TOP1MT: variants seen among roughly 807,000 people sequenced by gnomAD.
TOP1MT encodes the protein DNA topoisomerase I, mitochondrial.
In TOP1MT, 80 loss-of-function variants were observed where a neutral mutation model predicts 73.9. The ratio of observed to expected loss-of-function variants is 1.08; its 90% CI spans 0.90 to 1.30. The LOEUF is 1.30. Among genes scored for constraint, TOP1MT ranks in the 50% most tolerant of loss-of-function variants. TOP1MT has a pLI of 0.00. For missense variants in TOP1MT, 815 were observed against 808.0 expected (o/e 1.01, Z -0.10); for synonymous variants, 338 against 326.4 (o/e 1.04, Z -0.38).
At chr8:143,322,833 C>CAG (rs1205387927) in intron 7 of TOP1MT, among the ~76,000 whole-genome samples, 1 of 51,958 alleles carries the variant, frequency 1.9e-5, no homozygotes, top group East Asian at 1.2e-3. Flanking sequence ...ACGCCACACA[C>CAG]GCACACCACA....
intron 7 of TOP1MT, among the ~76,000 whole-genome samples, chr8:143,322,487 ACACG>A (rs1432322316): frequency 8.0e-6 from 1 of 125,140 alleles, no homozygotes; most frequent in Non-Finnish European, 1.6e-5. Flanking sequence ...CAGGCACGCC[ACACG>A]CACGCCACAC....
At chr8:143,316,871 C>T (rs1816178851) in intron 10 of TOP1MT, among the ~76,000 whole-genome samples, 1 of 152,218 alleles carries the variant, frequency 6.6e-6, no homozygotes, top group African/African-American at 2.4e-5. Flanking sequence ...GCCTCGGCCC[C>T]TATGCCCTCA....
intron 2 of TOP1MT, 71 bp from the exon 3 acceptor site, chr8:143,329,542 T>C (rs1395012393): frequency 1.3e-6 from 2 of 1,561,528 alleles, no homozygotes; most frequent in Non-Finnish European, 1.7e-6. Flanking sequence ...CATGACCTCA[T>C]TGCTTTAAAC....
chr8:143,342,088 TTA>T (rs1491276131), intron 2 of TOP1MT, among the ~76,000 whole-genome samples: 1 of 123,808 alleles, frequency 8.1e-6, no homozygotes, highest in Non-Finnish European at 1.6e-5. Context: ...ATTATTATTA[TTA>T]GAGTCTCGCT....
intron 7 of TOP1MT, among the ~76,000 whole-genome samples, chr8:143,322,089 T>A (rs62644305): frequency 6.6e-5 from 3 of 45,478 alleles, no homozygotes; most frequent in African/African-American, 8.8e-5. Flanking sequence ...CACACAGGCA[T>A]GCCAAACACG....
rs1816792706 is a variant in TOP1MT at position 143,329,434 on chromosome 8, G to A, written c.276C>T (p.Val92=). 8.1e-6 allele frequency: 13 copies of A among 1,610,658 alleles called. 1 individual carries two copies. The highest frequency in any genetic ancestry group is 1.1e-5 in the South Asian group (1 of 90,606). The change falls in exon 3 of 14, where the codon GTC becomes GTT. Residue 92 remains valine, a synonymous_variant. Coordinates refer to ENST00000329245, the MANE Select transcript of TOP1MT (RefSeq NM_052963.3). Reference sequence around the variant, plus strand: ...CTAACATCCTCCCATAAAAAGTGGCGACCTCCTCCGCTGCCACGCTCAATC... The same window carrying A: ...CTAACATCCTCCCATAAAAAGTGGCAACCTCCTCCGCTGCCACGCTCAATC... ...PVRLSVAAEE[V]ATFYGRMLDH...
chr8:143,318,012 G>A lies in TOP1MT; in HGVS notation c.1215+6C>T, dbSNP rs780083227. 7 of 1,614,158 alleles carry A rather than the reference G, an allele frequency of 4.3e-6. No individual in the cohort carries two copies. Among genetic ancestry groups the A allele is most frequent in the Non-Finnish European group, 5.9e-6 (7 of 1,179,992 alleles). On this transcript the variant is annotated splice_donor_region_variant and intron_variant, in intron 9 of 13. Coordinates refer to ENST00000329245, the MANE Select transcript of TOP1MT (RefSeq NM_052963.3). The stretch of plus-strand genomic sequence containing the variant: ...CCCACTGCTGAGGAAACACGAGCCG[G>A]CTTACGGTCAGCCTGTCGAAGAGGT...
At position 143,334,790 on chromosome 8, in the gene TOP1MT, G is replaced by A; in HGVS notation, c.72C>T (p.Ala24=). ...TLLGEVPRRP[A]SRGVPGSRRT... is the part of the protein sequence containing the mutation. ...TGCGCGAGCCCGGGACACCCCGGGAGGCCGGGCGGCGGGGGACCTCCCCGA... is the reference window on the plus strand; with the variant it reads ...TGCGCGAGCCCGGGACACCCCGGGAAGCCGGGCGGCGGGGGACCTCCCCGA... Residue 24 remains alanine, a synonymous_variant, in exon 1 of 14, where the codon GCC becomes GCT. Coordinates refer to ENST00000329245, the MANE Select transcript of TOP1MT (RefSeq NM_052963.3). 1.3e-6 allele frequency: 2 copies of A among 1,586,806 alleles called. No individual in the cohort carries two copies. The highest frequency in any genetic ancestry group is 1.4e-5 in the African/African-American group (1 of 70,882).
intron 2 of TOP1MT, among the ~76,000 whole-genome samples, chr8:143,330,105 T>C (rs1231377483): frequency 1.3e-5 from 2 of 152,232 alleles, no homozygotes; most frequent in South Asian, 2.1e-4. Context: ...GCATTTCTGA[T>C]AAACAGCAGC....
intron 12 of TOP1MT, 101 bp from the exon 13 acceptor site, chr8:143,310,318 C>T: frequency 2.3e-6 from 2 of 862,466 alleles, no homozygotes; most frequent in East Asian, 5.7e-5. Context: ...CCAGTGCAGC[C>T]CTGTCCCTGT....
chr8:143,329,996 G>C (rs1304884044), intron 2 of TOP1MT, among the ~76,000 whole-genome samples: 1 of 152,156 alleles, frequency 6.6e-6, no homozygotes, highest in East Asian at 1.9e-4. Flanking sequence ...GTGGGAACGA[G>C]GGTGTTCACC....
At chr8:143,331,976 A>G (rs1322447290) in intron 1 of TOP1MT, among the ~76,000 whole-genome samples, 1 of 150,712 alleles carries the variant, frequency 6.6e-6, no homozygotes, top group African/African-American at 2.4e-5. Flanking sequence ...TAAGGCACTA[A>G]CACAGTGAGG....
Position 143,309,872 on chromosome 8 carries a change from C to T in TOP1MT, c.1703+196G>A, listed in dbSNP as rs766727301. 23 of 1,542,926 alleles carry T rather than the reference C, an allele frequency of 1.5e-5. 1 individual carries two copies. The South Asian group carries it at 2.7e-4, about 18-fold the overall frequency. On this transcript the variant is annotated intron_variant, in intron 13 of 13. Coordinates refer to ENST00000329245, the MANE Select transcript of TOP1MT (RefSeq NM_052963.3). ...CCACTGTCAGCACCCCCACTTCACC[C>T]TGTCCATCCGAACGTTCAGGGCAGG...
chr8:143,353,991 T>C (rs1416587385), intron 1 of TOP1MT, among the ~76,000 whole-genome samples: 2 of 89,964 alleles, frequency 2.2e-5, no homozygotes, highest in Non-Finnish European at 4.1e-5. Flanking sequence ...AAAAAAAAAG[T>C]CTGTTGGTTC....
chr8:143,329,580 G>A (rs1586769314), intron 2 of TOP1MT, 109 bp from the exon 3 acceptor site: 3 of 1,341,878 alleles, frequency 2.2e-6, no homozygotes, highest in African/African-American at 3.0e-5. Flanking sequence ...TATGCCAAGA[G>A]CAAGAAGCTA....
At position 143,317,723 on chromosome 8, in the gene TOP1MT, C is replaced by T. The variant is rs200729884; in HGVS notation, c.1330G>A (p.Ala444Thr). Residue 444 changes from alanine (A) to threonine (T), a missense_variant and splice_region_variant, in exon 10 of 14, where the codon GCC becomes ACC. Ala to Thr is a moderately conservative substitution (Grantham distance 58). Coordinates refer to ENST00000329245, the MANE Select transcript of TOP1MT (RefSeq NM_052963.3). ...LQEQLRALTR[A>T]EDSIAAKILS... is the part of the protein sequence containing the mutation. ...GAGTGTGGGTGTGGGGCAGGCTCAC[C>T]GCGCGTCAGGGCCCGCAGCTGCTCC... 6.6e-5 allele frequency: 107 copies of T among 1,613,076 alleles called. No individual in the cohort carries two copies. In the East Asian group the frequency reaches 1.2e-3, roughly 18 times the overall value.
intron 12 of TOP1MT, among the ~76,000 whole-genome samples, chr8:143,311,096 G>A (rs929796287): frequency 6.6e-6 from 1 of 151,104 alleles, no homozygotes; most frequent in Non-Finnish European, 1.5e-5. Context: ...GGGACTACAG[G>A]CATGTGCCAC....
At chr8:143,312,381 G>A (rs985443739) in intron 12 of TOP1MT, among the ~76,000 whole-genome samples, 1 of 152,018 alleles carries the variant, frequency 6.6e-6, no homozygotes, top group Non-Finnish European at 1.5e-5. Context: ...TGCTCAAGTA[G>A]GATTTATCCC....
intron 12 of TOP1MT, among the ~76,000 whole-genome samples, chr8:143,314,457 G>A (rs1816096955): frequency 6.6e-6 from 1 of 152,032 alleles, no homozygotes; most frequent in Non-Finnish European, 1.5e-5. Context: ...AGCCGGGCGT[G>A]GTGGCGCGCA....
Sources: allele counts gnomAD v4.1 joint callset (sites outside exome capture counted in the v4.1 genomes callset), GRCh38; gene constraint gnomAD v4.1.1; transcripts MANE v1.5; gene names NCBI Gene and HGNC (gene_info 2026-07-23, HGNC 2026-07-21).